The following CADPS variants were observed in gnomAD, a reference collection of about 807,000 sequenced individuals.
The protein encoded by CADPS is calcium-dependent secretion activator 1.
A neutral mutation model predicts 167.3 loss-of-function variants in CADPS; 57 were observed. That is an observed-to-expected ratio of 0.34 (90% CI 0.28 to 0.42). The LOEUF (loss-of-function observed/expected upper bound fraction) is 0.42, where lower values mean the gene tolerates loss of function less well. Ranked by LOEUF, CADPS falls within the 20% of genes least tolerant of loss-of-function variation. CADPS has a pLI of 1.00. For synonymous variants in CADPS, 676 were observed against 635.3 expected (o/e 1.06, Z -0.96); for missense variants, 1,414 against 1,738.1 (o/e 0.81, Z 3.32).
rs547634582 is a variant in CADPS at position 62,846,582 on chromosome 3, A to G, written c.441+28007T>C. On this transcript the variant is annotated intron_variant, in intron 1 of 29. Coordinates refer to ENST00000383710, the MANE Select transcript of CADPS (RefSeq NM_003716.4). ...CTTGATTCTTTCCCGTGATTAATCA[A>G]TTTGCAAAATATGTTGGTTTTCTGT... Among the ~76,000 whole-genome samples the G allele has an allele frequency of 1.0e-3, 156 of 152,258 alleles. 1 individual carries two copies. Among genetic ancestry groups the G allele is most frequent in the African/African-American group, 3.5e-3 (144 of 41,544 alleles).
chr3:62,792,690 G>C (rs1425559704), intron 1 of CADPS, among the ~76,000 whole-genome samples: 1 of 152,046 alleles, frequency 6.6e-6, no homozygotes, highest in Admixed American at 6.6e-5. Flanking sequence ...TGAACTCCTA[G>C]GCTCAAACAA....
rs1274629238 is a variant in CADPS, at chr3:62,512,824, T to C, written c.2582-56A>G. 28 of 1,503,786 alleles carry C rather than the reference T, an allele frequency of 1.9e-5. No individual in the cohort carries two copies. In the Admixed American group the frequency reaches 3.2e-4, roughly 17 times the overall value. 93.2% of individuals were successfully genotyped at this position (1,503,786 alleles called of 1,614,324 possible). A position where few individuals can be genotyped will look rare whatever the true frequency, so the allele number is the denominator to read the frequency against. ...GAAGAGAGAGAAACAAGAACACATATGCAGAATTAATGAGCAAGTGGACCA... is the reference window on the plus strand; with the variant it reads ...GAAGAGAGAGAAACAAGAACACATACGCAGAATTAATGAGCAAGTGGACCA... On this transcript the variant is annotated intron_variant, in intron 16 of 29. Coordinates refer to ENST00000383710, the MANE Select transcript of CADPS (RefSeq NM_003716.4).
intron 8 of CADPS, among the ~76,000 whole-genome samples, chr3:62,574,762 T>C (rs1239651768): frequency 1.3e-5 from 2 of 152,200 alleles, no homozygotes; most frequent in Non-Finnish European, 2.9e-5. Flanking sequence ...AGGTCAGTAA[T>C]GGTTCCTAAC....
intron 1 of CADPS, among the ~76,000 whole-genome samples, chr3:62,787,000 T>TA (rs1322139999): frequency 6.6e-6 from 1 of 152,016 alleles, no homozygotes; most frequent in Non-Finnish European, 1.5e-5. Context: ...AGTATTTTTT[T>TA]AAAAAACCTC....
intron 12 of CADPS, among the ~76,000 whole-genome samples, chr3:62,535,453 A>G (rs1159143046): frequency 2.6e-5 from 4 of 151,784 alleles, no homozygotes. Flanking sequence ...AATTTAAAAT[A>G]AAAATTAGAA....
At chr3:62,404,994 T>C (rs1203115658) in intron 28 of CADPS, 2 of 151,846 alleles carry the variant, frequency 1.3e-5, no homozygotes, top group Non-Finnish European at 2.9e-5. Flanking sequence ...CTGGGCTTGT[T>C]AAGAAGGGGC....
At chr3:62,622,210 A>C (rs901485023) in intron 6 of CADPS, among the ~76,000 whole-genome samples, 4 of 152,094 alleles carry the variant, frequency 2.6e-5, no homozygotes, top group African/African-American at 9.7e-5. Context: ...GGTATCTCAG[A>C]GGGTCTGAGG....
chr3:62,715,161 T>A (rs553232517), intron 3 of CADPS, among the ~76,000 whole-genome samples: 1 of 152,034 alleles, frequency 6.6e-6, no homozygotes, highest in Non-Finnish European at 1.5e-5. Context: ...GAATGGGGGG[T>A]GCAAAGATGA....
intron 6 of CADPS, among the ~76,000 whole-genome samples, chr3:62,642,597 G>A (rs944331940): frequency 1.6e-4 from 25 of 152,312 alleles, no homozygotes; most frequent in African/African-American, 4.8e-4. Context: ...AAACAGGCTC[G>A]TTCATGCTAC....
At chr3:62,578,694 C>G (rs112932842) in intron 8 of CADPS, among the ~76,000 whole-genome samples, 2 of 150,610 alleles carry the variant, frequency 1.3e-5, no homozygotes, top group East Asian at 3.9e-4. Flanking sequence ...TGAAGCAAAA[C>G]CAGACAGAAC....
chr3:62,797,887 C>T (rs1513146), intron 1 of CADPS, among the ~76,000 whole-genome samples: 23,162 of 152,024 alleles, frequency 0.15, 2,039 homozygotes, highest in African/African-American at 0.24. Context: ...TCTTTTGAGA[C>T]TGAAAAATGT....
At chr3:62,577,607 C>G (rs2082532728) in intron 8 of CADPS, among the ~76,000 whole-genome samples, 1 of 152,316 alleles carries the variant, frequency 6.6e-6, no homozygotes, top group East Asian at 1.9e-4. Context: ...TGATTACAAC[C>G]AACACGACTA....
At chr3:62,857,838 G>C (rs1439956515) in intron 1 of CADPS, among the ~76,000 whole-genome samples, 2 of 151,746 alleles carry the variant, frequency 1.3e-5, no homozygotes, top group Non-Finnish European at 2.9e-5. Context: ...ATATTTTAAT[G>C]AATTCATTTT....
intron 13 of CADPS, among the ~76,000 whole-genome samples, chr3:62,531,014 A>G (rs1412107920): frequency 6.6e-6 from 1 of 152,220 alleles, no homozygotes; most frequent in Non-Finnish European, 1.5e-5. Flanking sequence ...AGAAAATAAG[A>G]AATCCAAAAC....
At chr3:62,661,761 G>T (rs370228897) in intron 4 of CADPS, among the ~76,000 whole-genome samples, 4 of 152,074 alleles carry the variant, frequency 2.6e-5, no homozygotes, top group East Asian at 3.9e-4. Flanking sequence ...TGAAGATGAG[G>T]GCCTGGATCA....
intron 3 of CADPS, among the ~76,000 whole-genome samples, chr3:62,695,460 A>G (rs2080087942): frequency 6.6e-6 from 1 of 152,100 alleles, no homozygotes; most frequent in South Asian, 2.1e-4. Flanking sequence ...GGCTTTATCC[A>G]TATCTAGGAA....
At chr3:62,815,522 G>A (rs1271629108) in intron 1 of CADPS, among the ~76,000 whole-genome samples, 9 of 152,044 alleles carry the variant, frequency 5.9e-5, no homozygotes, top group Non-Finnish European at 1.2e-4. Context: ...ACATGGGTGT[G>A]TGCATGTAGG....
At chr3:62,467,799 G>C (rs180951959) in intron 24 of CADPS, among the ~76,000 whole-genome samples, 7 of 152,120 alleles carry the variant, frequency 4.6e-5, no homozygotes, top group African/African-American at 1.7e-4. Context: ...ACCAGTGCCC[G>C]AGTCCTTTCC....
chr3:62,689,167 G>C (rs2078629370), intron 3 of CADPS, among the ~76,000 whole-genome samples: 1 of 151,870 alleles, frequency 6.6e-6, no homozygotes, highest in African/African-American at 2.4e-5. Flanking sequence ...TTTCCTTCAA[G>C]CACTAAAGTG....
Sources: gnomAD v4.1 joint callset for allele counts (sites outside exome capture counted in the v4.1 genomes callset) on GRCh38, gnomAD v4.1.1 for gene constraint, MANE v1.5 for transcripts, NCBI Gene and HGNC (gene_info 2026-07-23, HGNC 2026-07-21) for gene names.